The following LRP5 variants were observed in gnomAD, a reference collection of about 807,000 sequenced individuals.
The protein encoded by LRP5 is low-density lipoprotein receptor-related protein 5.
A neutral mutation model predicts 154.1 loss-of-function variants in LRP5; 62 were observed. The ratio of observed to expected loss-of-function variants is 0.40; its 90% CI spans 0.33 to 0.50. The LOEUF (loss-of-function observed/expected upper bound fraction) is 0.50. Among genes scored for constraint, LRP5 ranks in the 20% least tolerant of loss-of-function variants. The pLI is 0.55. For synonymous variants in LRP5, 966 were observed against 1,011.5 expected, an observed-to-expected ratio of 0.96 and a Z score of 0.85; for missense variants, 1,915 against 2,336.7, an observed-to-expected ratio of 0.82 and a Z score of 3.72.
At chr11:68,436,567 C>T (rs2098675075) in intron 18 of LRP5, among the ~76,000 whole-genome samples, 1 of 151,934 alleles carries the variant, frequency 6.6e-6, no homozygotes. Flanking sequence ...CCCCACCAAC[C>T]TGGTAGAGCC....
the LRP5 span, among the ~76,000 whole-genome samples, chr11:68,303,612 G>A: frequency 6.6e-6 from 1 of 152,144 alleles, no homozygotes; most frequent in Non-Finnish European, 1.5e-5. Context: ...TCCTGCCTCA[G>A]CCTCTCCAGT....
At chr11:68,372,086 G>A (rs1181360612) in intron 5 of LRP5, among the ~76,000 whole-genome samples, 1 of 152,268 alleles carries the variant, frequency 6.6e-6, no homozygotes, top group Non-Finnish European at 1.5e-5. Flanking sequence ...ACTTGTGCCT[G>A]TTCCCGAGGG....
intron 5 of LRP5, among the ~76,000 whole-genome samples, chr11:68,372,286 A>C (rs1243314544): frequency 7.8e-6 from 1 of 128,940 alleles, no homozygotes; most frequent in African/African-American, 3.1e-5. Context: ...AGTGTCAGGC[A>C]GACCCGGGAC....
At chr11:68,430,586 A>C (rs1327729960) in intron 17 of LRP5, among the ~76,000 whole-genome samples, 1 of 152,166 alleles carries the variant, frequency 6.6e-6, no homozygotes, top group African/African-American at 2.4e-5. Flanking sequence ...AGAAACATCA[A>C]TTAGATCCAG....
intron 5 of LRP5, among the ~76,000 whole-genome samples, chr11:68,381,868 A>G (rs1422337591): frequency 2.0e-5 from 3 of 152,088 alleles, no homozygotes; most frequent in African/African-American, 7.2e-5. Context: ...GGACCTCTCT[A>G]CACACAGAAC....
intron 5 of LRP5, among the ~76,000 whole-genome samples, chr11:68,372,633 G>A (rs893033851): frequency 1.1e-4 from 16 of 152,190 alleles, no homozygotes; most frequent in Non-Finnish European, 2.2e-4. Context: ...TATACTCCCC[G>A]CTCCATGGGG....
At chr11:68,317,315 TG>T (rs1402129867) in intron 1 of LRP5, among the ~76,000 whole-genome samples, 1 of 152,224 alleles carries the variant, frequency 6.6e-6, no homozygotes, top group Non-Finnish European at 1.5e-5. Flanking sequence ...GTGAGGGAGC[TG>T]GGGGCCAAAA....
rs751450413 is a variant in LRP5, at chr11:68,348,227, T to C, written c.472T>C (p.Leu158=). 7 of 1,607,128 alleles carry C rather than the reference T, an allele frequency of 4.4e-6. No homozygotes were observed. The highest frequency in any genetic ancestry group is 5.9e-6 in the Non-Finnish European group (7 of 1,180,002). Residue 158 remains leucine, a synonymous_variant, in exon 2 of 23, where the codon TTG becomes CTG. Transcript: ENST00000294304. ...QDLDQPRAIA[L]DPAHGYMYWT... ...CCTTGACCAGCCGAGGGCCATCGCC[T>C]TGGACCCCGCTCACGGGTAAACCCT... is the stretch of plus-strand genomic sequence containing the variant.
At chr11:68,341,405 G>T (rs1263713195) in intron 1 of LRP5, among the ~76,000 whole-genome samples, 2 of 152,012 alleles carry the variant, frequency 1.3e-5, no homozygotes, top group African/African-American at 2.4e-5. Context: ...CTGCCACCCT[G>T]TGCATCCCTC....
chr11:68,319,072 GTTT>G (rs59893808), intron 1 of LRP5, among the ~76,000 whole-genome samples: 2 of 92,244 alleles, frequency 2.2e-5, no homozygotes, highest in Non-Finnish European at 2.1e-5. Context: ...CTGGCTCCTT[GTTT>G]TTTTTTTTTT....
At chr11:68,410,565 C>T (rs1464306170) in intron 10 of LRP5, among the ~76,000 whole-genome samples, 1 of 152,216 alleles carries the variant, frequency 6.6e-6, no homozygotes, top group Non-Finnish European at 1.5e-5. Flanking sequence ...TTGCCAAAAC[C>T]ATGATCCAGA....
chr11:68,402,942 G>A (rs2098653414), intron 7 of LRP5, among the ~76,000 whole-genome samples: 2 of 152,170 alleles, frequency 1.3e-5, no homozygotes, highest in African/African-American at 4.8e-5. Flanking sequence ...CTGGGGACGT[G>A]GCATCCTAGT....
intron 7 of LRP5, among the ~76,000 whole-genome samples, chr11:68,395,089 C>T (rs1256121810): frequency 6.6e-6 from 1 of 152,014 alleles, no homozygotes; most frequent in Non-Finnish European, 1.5e-5. Flanking sequence ...TTGCTTGAGG[C>T]CAGGAGTTCA....
chr11:68,301,640 T>G, the LRP5 span, among the ~76,000 whole-genome samples: 4 of 146,476 alleles, frequency 2.7e-5, no homozygotes, highest in African/African-American at 9.8e-5. Context: ...ATTTTTTTTT[T>G]GAGATGGAGT....
rs559617898 is a variant in LRP5, at chr11:68,409,845, C to T, written c.2092-69C>T. 5.1e-3 allele frequency: 6,278 copies of T among 1,232,456 alleles called. 37 individuals are homozygous for T. The highest frequency in any genetic ancestry group is 0.018 in the Middle Eastern group (98 of 5,356). The allele number at this position is 1,232,456 out of a possible 1,614,324, so 76.3% of individuals were successfully genotyped here. On this transcript the variant is annotated intron_variant, in intron 9 of 22. Coordinates refer to ENST00000294304, the MANE Select transcript of LRP5 (RefSeq NM_002335.4). ...AGGCTGGGCAAGAAGAGCGAAACTC[C>T]GTCTCAAAAAAAAAAAAAAAGATGC...
intron 11 of LRP5, among the ~76,000 whole-genome samples, chr11:68,412,559 T>A (rs1460747015): frequency 2.0e-5 from 3 of 151,370 alleles, no homozygotes; most frequent in African/African-American, 7.3e-5. Flanking sequence ...GTGGGAGGAT[T>A]GCTTGAGCCC....
intron 5 of LRP5, among the ~76,000 whole-genome samples, chr11:68,371,498 C>G (rs17159533): frequency 0.047 from 7,166 of 152,254 alleles, 562 homozygotes; most frequent in African/African-American, 0.16. Flanking sequence ...CATTCCTTGC[C>G]GTAAAATATC....
At chr11:68,336,132 A>T (rs1326646504) in intron 1 of LRP5, among the ~76,000 whole-genome samples, 1 of 152,292 alleles carries the variant, frequency 6.6e-6, no homozygotes, top group East Asian at 1.9e-4. Context: ...CTCCACCCAA[A>T]GGAGTCAGAG....
intron 21 of LRP5, among the ~76,000 whole-genome samples, chr11:68,441,102 A>C (rs955274690): frequency 4.0e-5 from 6 of 148,276 alleles, no homozygotes; most frequent in African/African-American, 1.5e-4. Context: ...TTTCTGAGAC[A>C]GGGTCTCGCT....
Sources: gnomAD v4.1 joint callset for allele counts (sites outside exome capture counted in the v4.1 genomes callset) on GRCh38, gnomAD v4.1.1 for gene constraint, MANE v1.5 for transcripts, NCBI Gene and HGNC (gene_info 2026-07-23, HGNC 2026-07-21) for gene names.